DST: variants seen among roughly 807,000 people sequenced by gnomAD.
The protein encoded by DST is bullous pemphigoid antigen.
In DST, 253 loss-of-function variants were observed where a neutral mutation model predicts 875.2. The ratio of observed to expected loss-of-function variants is 0.29; its 90% CI spans 0.26 to 0.32. The LOEUF (loss-of-function observed/expected upper bound fraction) is 0.32. DST is among the 10% of genes least tolerant of loss of function. DST has a pLI of 1.00. For synonymous variants in DST, 3,124 were observed against 3,197.1 expected (o/e 0.98, Z 0.77); for missense variants, 8,287 against 9,111.6 (o/e 0.91, Z 3.68).
intron 78 of DST, among the ~76,000 whole-genome samples, chr6:56,502,054 C>T (rs781675630): frequency 6.6e-6 from 1 of 152,084 alleles, no homozygotes; most frequent in Non-Finnish European, 1.5e-5. Flanking sequence ...TATGTTGACA[C>T]ATATGAAAGC....
At chr6:56,585,497 T>C (rs2098128964) in intron 49 of DST, among the ~76,000 whole-genome samples, 1 of 152,078 alleles carries the variant, frequency 6.6e-6, no homozygotes, top group African/African-American at 2.4e-5. Context: ...TTTTCTTTAT[T>C]AGTCTTGCTA....
chr6:56,606,336 A>G lies in DST; in HGVS notation c.8292T>C (p.Ser2764=), dbSNP rs76638798. Residue 2764 remains serine, a synonymous_variant, in exon 40 of 104, where the codon AGT becomes AGC. Coordinates refer to ENST00000680361, the MANE Select transcript of DST (RefSeq NM_001374736.1). ...CATACTCTTCCTTTCTTCCTCTCCA[A>G]CTGCCACTGTCATCAAATTTTAATG... ...TASLKFDDSG[S]WRGRKEEYVT... is the part of the protein sequence containing the mutation. 2 of 1,612,512 alleles carry G rather than the reference A, an allele frequency of 1.2e-6. No homozygotes were observed. Among genetic ancestry groups the G allele is most frequent in the South Asian group, 1.1e-5 (1 of 90,938 alleles).
At chr6:56,891,953 T>A (rs564276174) in intron 3 of DST, among the ~76,000 whole-genome samples, 1 of 152,222 alleles carries the variant, frequency 6.6e-6, no homozygotes, top group Admixed American at 6.5e-5. Context: ...ATCCTCAGAT[T>A]CCCCACCAGC....
chr6:56,639,985 C>T lies in DST; in HGVS notation c.2563G>A (p.Val855Ile), dbSNP rs2098874709. ...VESHLENHKN[V>I]HRAIEEFESS... ...TCAAATTCTTCAATAGCTCTATGAACATTTTTATGATTTTCTAAATGGCTT... is the reference window on the plus strand; with the variant it reads ...TCAAATTCTTCAATAGCTCTATGAATATTTTTATGATTTTCTAAATGGCTT... The change falls in exon 19 of 104, where the codon GTT becomes ATT. Residue 855 changes from valine to isoleucine, a missense_variant. This residue lies in a region of DST where 1,160 missense variants were observed against 1,424.3 expected (regional missense o/e 0.81). Coordinates refer to ENST00000680361, the MANE Select transcript of DST (RefSeq NM_001374736.1). The T allele has an allele frequency of 1.2e-6, 2 of 1,613,840 alleles. No homozygotes were observed. Among genetic ancestry groups the T allele is most frequent in the South Asian group, 1.1e-5 (1 of 91,076 alleles).
chr6:56,483,241 C>T (rs746394074), intron 88 of DST, among the ~76,000 whole-genome samples: 22 of 152,102 alleles, frequency 1.4e-4, no homozygotes, highest in Non-Finnish European at 2.9e-4. Flanking sequence ...AATATGGTGT[C>T]CCAATTTCTC....
rs1420001114 is a variant in DST, at chr6:56,497,983, A to G, written c.19967T>C (p.Ile6656Thr). Residue 6656 changes from isoleucine to threonine, a missense_variant, in exon 81 of 104, where the codon ATT (isoleucine) becomes ACT (threonine). Physicochemically the swap from Ile to Thr is moderately conservative, Grantham distance 89. Around this residue, in one of 10 missense-constraint regions of DST, gnomAD observed 1,292 missense variants for 1,552.7 expected, o/e 0.83. Coordinates refer to ENST00000680361, the MANE Select transcript of DST (RefSeq NM_001374736.1). Reference sequence around the variant, plus strand: ...TGCTTCTTCTCCTGCACTTGATTCAATTAGATCATTTCCTGCTTTATTAAC... The same window carrying G: ...TGCTTCTTCTCCTGCACTTGATTCAGTTAGATCATTTCCTGCTTTATTAAC... The part of the protein sequence containing the change: ...EAVNKAGNDL[I>T]ESSAGEEASN... The G allele has an allele frequency of 5.6e-6, 9 of 1,613,508 alleles. No homozygotes were observed. In the East Asian group the frequency reaches 2.0e-4, roughly 36 times the overall value.
intron 2 of DST, among the ~76,000 whole-genome samples, chr6:56,911,362 C>T (rs1798762200): frequency 6.6e-6 from 1 of 152,178 alleles, no homozygotes; most frequent in African/African-American, 2.4e-5. Context: ...TATTCTGATG[C>T]TGCTGGTCTG....
At chr6:56,746,561 GA>G (rs1027147942) in intron 4 of DST, among the ~76,000 whole-genome samples, 28 of 151,784 alleles carry the variant, frequency 1.8e-4, no homozygotes, top group Non-Finnish European at 2.4e-4. Flanking sequence ...CAAGATCAGT[GA>G]AAAAAAATGG....
At chr6:56,813,055 T>C (rs1458720193) in intron 4 of DST, among the ~76,000 whole-genome samples, 6 of 151,818 alleles carry the variant, frequency 4.0e-5, no homozygotes, top group Non-Finnish European at 8.8e-5. Flanking sequence ...TATGCAGCCA[T>C]AAAAAAGGAT....
At chr6:56,732,025 G>A (rs2099500997) in intron 5 of DST, among the ~76,000 whole-genome samples, 1 of 151,998 alleles carries the variant, frequency 6.6e-6, no homozygotes, top group Admixed American at 6.6e-5. Flanking sequence ...CTTTTTTCTG[G>A]ATAAACAAGG....
chr6:56,928,474 A>G (rs1391668444), intron 2 of DST, among the ~76,000 whole-genome samples: 1 of 152,190 alleles, frequency 6.6e-6, no homozygotes, highest in Non-Finnish European at 1.5e-5. Context: ...CCAAAAGCCC[A>G]CTTATGCTAA....
chr6:56,697,327 A>C (rs982474849), intron 9 of DST, among the ~76,000 whole-genome samples: 2 of 152,154 alleles, frequency 1.3e-5, no homozygotes, highest in Admixed American at 1.3e-4. Context: ...TTCACAGCTT[A>C]TCTCTCTCAC....
At chr6:56,647,202 G>T (rs2098948034) in intron 13 of DST, among the ~76,000 whole-genome samples, 1 of 152,238 alleles carries the variant, frequency 6.6e-6, no homozygotes, top group African/African-American at 2.4e-5. Context: ...CAATGTTTCA[G>T]GACGTCTGTT....
At chr6:56,692,345 GGAACACTTATTTACTT>G (rs2099236149) in intron 9 of DST, 3 of 1,059,926 alleles carry the variant, frequency 2.8e-6, no homozygotes, top group Non-Finnish European at 3.7e-6. Flanking sequence ...GTGAGCACCT[GGAACACTTATTTACTT>G]GAACTCAGAC....
At chr6:56,490,093 T>C (rs1190967978) in intron 85 of DST, among the ~76,000 whole-genome samples, 1 of 152,076 alleles carries the variant, frequency 6.6e-6, no homozygotes, top group African/African-American at 2.4e-5. Context: ...TTTTTTAAAG[T>C]AGCAAAAACA....
intron 9 of DST, among the ~76,000 whole-genome samples, chr6:56,689,314 C>G (rs2099211425): frequency 6.6e-6 from 1 of 152,162 alleles, no homozygotes; most frequent in Admixed American, 6.5e-5. Context: ...ATGCAGCTGT[C>G]TGGTGGCAAA....
intron 4 of DST, among the ~76,000 whole-genome samples, chr6:56,848,221 G>A (rs1418770155): frequency 6.6e-6 from 1 of 152,092 alleles, no homozygotes; most frequent in Non-Finnish European, 1.5e-5. Context: ...TTATTGCAGG[G>A]GCTCAATAAG....
chr6:56,913,732 C>CA (rs1799706467), intron 2 of DST, among the ~76,000 whole-genome samples: 2 of 152,206 alleles, frequency 1.3e-5, no homozygotes, highest in Admixed American at 1.3e-4. Context: ...TCTCAGTCAA[C>CA]AACCTAGTCT....
At chr6:56,477,231 A>T (rs2095238408) in intron 91 of DST, 114 bp downstream of exon 91, 11 of 1,150,136 alleles carry the variant, frequency 9.6e-6, no homozygotes, top group Non-Finnish European at 1.1e-5. Context: ...AACGTTTTCT[A>T]TGTAGAGGTC....
Sources: allele counts gnomAD v4.1 joint callset (sites outside exome capture counted in the v4.1 genomes callset), GRCh38; gene constraint gnomAD v4.1.1; regional missense constraint gnomAD v4.1.1; transcripts MANE v1.5; gene names NCBI Gene and HGNC (gene_info 2026-07-23, HGNC 2026-07-21).